The following PCDHA4 variants were observed in gnomAD, a reference collection of about 807,000 sequenced individuals.
PCDHA4 encodes protocadherin alpha-4.
PCDHA4 carries 49 observed loss-of-function variants against 61.4 expected under a neutral mutation model. The observed-to-expected ratio is 0.80, with a 90% CI of 0.63 to 1.01. The LOEUF (loss-of-function observed/expected upper bound fraction) is 1.01, where lower values mean the gene tolerates loss of function less well. Ranked by LOEUF, PCDHA4 falls within the 50% of genes least tolerant of loss-of-function variation. The probability of loss-of-function intolerance (pLI) is 0.00; values close to 1 mark genes in which losing one functional copy is unlikely to be tolerated. For synonymous variants in PCDHA4, 590 were observed against 550.3 expected, an observed-to-expected ratio of 1.07 and a Z score of -1.01; for missense variants, 1,254 against 1,235.8, an observed-to-expected ratio of 1.01 and a Z score of -0.22.
intron 1 of PCDHA4, among the ~76,000 whole-genome samples, chr5:140,969,721 C>A (rs1399042401): frequency 6.6e-5 from 10 of 152,126 alleles, no homozygotes; most frequent in African/African-American, 2.2e-4. Context: ...GGAAATTTTT[C>A]TTTTGAAATC....
chr5:140,849,635 T>A (rs2150443379), intron 1 of PCDHA4: 1 of 1,598,758 alleles, frequency 6.3e-7, no homozygotes, highest in South Asian at 1.1e-5. Flanking sequence ...TAGACGCAGA[T>A]GCCAACGGGC....
At chr5:140,950,914 T>C (rs1198787949) in intron 1 of PCDHA4, among the ~76,000 whole-genome samples, 1 of 152,044 alleles carries the variant, frequency 6.6e-6, no homozygotes, top group African/African-American at 2.4e-5. Flanking sequence ...TTTATTTTAT[T>C]TCAGTTCTTT....
In PCDHA4 at chr5:140,959,152, A is replaced by C. The variant is rs182353196; in HGVS notation, c.2386-19797A>C. 1.3e-4 allele frequency among the ~76,000 whole-genome samples: 20 copies of C among 152,108 alleles called. No individual in the cohort carries two copies. The East Asian group carries it at 3.9e-3, about 30-fold the overall frequency. ...CCCACTTTGGGAGGCCAAAGTGGGC[A>C]GATTGCTTGACCCCAGGAGTTCAGG... On this transcript the variant is annotated intron_variant, in intron 1 of 3. Coordinates refer to ENST00000530339, the MANE Select transcript of PCDHA4 (RefSeq NM_018907.4).
intron 1 of PCDHA4, chr5:140,857,948 C>T (rs1160932490): frequency 2.5e-6 from 4 of 1,597,436 alleles, no homozygotes; most frequent in African/African-American, 1.3e-5. Flanking sequence ...CAGTACGACG[C>T]GCGCTCTGGA....
chr5:140,870,197 G>A lies in PCDHA4; in HGVS notation c.2385+60625G>A. The stretch of plus-strand genomic sequence containing the variant: ...CCAGTACGAGAGGACGCTCAGCCCA[G>A]CACGGTCATTGCCCTGATCAGCGTG... On this transcript the variant is annotated intron_variant, in intron 1 of 3. Coordinates refer to ENST00000530339, the MANE Select transcript of PCDHA4 (RefSeq NM_018907.4). 1 of 1,614,174 alleles carries A rather than the reference G, an allele frequency of 6.2e-7. No individual in the cohort carries two copies. Among genetic ancestry groups the A allele is most frequent in the East Asian group, 2.2e-5 (1 of 44,880 alleles).
intron 1 of PCDHA4, among the ~76,000 whole-genome samples, chr5:140,854,845 T>C (rs1554147464): frequency 6.7e-6 from 1 of 149,904 alleles, no homozygotes; most frequent in Non-Finnish European, 1.5e-5. Flanking sequence ...CTGACATTGA[T>C]AAAATTACTA....
At chr5:140,922,288 T>C (rs2080761283) in intron 1 of PCDHA4, among the ~76,000 whole-genome samples, 1 of 152,150 alleles carries the variant, frequency 6.6e-6, no homozygotes, top group African/African-American at 2.4e-5. Context: ...GATATGAAAA[T>C]GCTAGGAGAG....
At chr5:140,924,902 A>AT (rs1563068435) in intron 1 of PCDHA4, among the ~76,000 whole-genome samples, 2 of 39,026 alleles carry the variant, frequency 5.1e-5, no homozygotes, top group Non-Finnish European at 1.3e-4. Context: ...CTCAAAAAAA[A>AT]AAATAAAATA....
intron 1 of PCDHA4, among the ~76,000 whole-genome samples, chr5:140,845,887 A>G (rs1214611865): frequency 6.7e-6 from 1 of 149,822 alleles, no homozygotes; most frequent in Non-Finnish European, 1.5e-5. Context: ...AATGTCAGAA[A>G]GTCGTTATGG....
chr5:140,862,460 A>G (rs1554156366), intron 1 of PCDHA4: 2 of 368,076 alleles, frequency 5.4e-6, no homozygotes, highest in African/African-American at 2.1e-5. Context: ...CCCTGGACCA[A>G]GAGAGCAAAT....
chr5:140,977,247 A>G (rs528974727), intron 1 of PCDHA4, among the ~76,000 whole-genome samples: 1 of 152,336 alleles, frequency 6.6e-6, no homozygotes, highest in African/African-American at 2.4e-5. Context: ...AATTGGCAAC[A>G]TTTCTCAGCA....
chr5:140,991,075 G>A (rs2097430816), intron 3 of PCDHA4, among the ~76,000 whole-genome samples: 1 of 152,134 alleles, frequency 6.6e-6, no homozygotes, highest in Non-Finnish European at 1.5e-5. Flanking sequence ...CCATGTTTCA[G>A]ATAAAAAAAT....
At chr5:140,884,504 G>C in intron 1 of PCDHA4, 2 of 1,614,180 alleles carry the variant, frequency 1.2e-6, no homozygotes, top group South Asian at 2.2e-5. Flanking sequence ...CAGCGCGGCA[G>C]GGAGTTGGTC....
intron 1 of PCDHA4, chr5:140,877,829 C>T (rs1554170159): frequency 1.9e-6 from 3 of 1,594,494 alleles, no homozygotes; most frequent in Non-Finnish European, 2.6e-6. Context: ...TGTTTAAATC[C>T]TCCCAGTGAA....
rs2150130181 is a variant in PCDHA4, at chr5:140,823,906, G to A, written c.2385+14334G>A. 215 of 1,613,906 alleles carry A rather than the reference G, an allele frequency of 1.3e-4. No homozygotes were observed. The highest frequency in any genetic ancestry group is 1.7e-4 in the Non-Finnish European group (199 of 1,179,958). On this transcript the variant is annotated intron_variant, in intron 1 of 3. Transcript: ENST00000530339. ...CATCTGTGCGGTGTCCAGCCTGCTGGTGCTCACGCTGCTGCTGTACACCGC... is the reference window on the plus strand; with the variant it reads ...CATCTGTGCGGTGTCCAGCCTGCTGATGCTCACGCTGCTGCTGTACACCGC...
At chr5:140,830,464 A>T (rs2150186873) in intron 1 of PCDHA4, 1 of 1,576,848 alleles carries the variant, frequency 6.3e-7, no homozygotes, top group Non-Finnish European at 8.6e-7. Flanking sequence ...ATCAGGATTT[A>T]AATGAAGATC....
At chr5:140,917,118 G>A (rs961408905) in intron 1 of PCDHA4, among the ~76,000 whole-genome samples, 2 of 152,106 alleles carry the variant, frequency 1.3e-5, no homozygotes, top group African/African-American at 2.4e-5. Context: ...CTCCAAGTGC[G>A]CAGACTCCCC....
intron 1 of PCDHA4, chr5:140,871,116 C>G (rs200344692): frequency 6.2e-7 from 1 of 1,613,264 alleles, no homozygotes; most frequent in East Asian, 2.2e-5. Flanking sequence ...TGGTGGAGAG[C>G]GGACAGGCGC....
intron 1 of PCDHA4, chr5:140,870,212 T>C (rs2051764636): frequency 6.2e-7 from 1 of 1,614,076 alleles, no homozygotes; most frequent in Non-Finnish European, 8.5e-7. Context: ...GTCATTGCCC[T>C]GATCAGCGTG....
Sources: gnomAD v4.1 joint callset for allele counts (sites outside exome capture counted in the v4.1 genomes callset) on GRCh38, gnomAD v4.1.1 for gene constraint, MANE v1.5 for transcripts, NCBI Gene and HGNC (gene_info 2026-07-23, HGNC 2026-07-21) for gene names.